ANKRD17: variants seen among roughly 807,000 people sequenced by gnomAD.
ANKRD17 encodes the protein ankyrin repeat domain-containing protein 17.
ANKRD17 carries 19 observed loss-of-function variants against 229.7 expected under a neutral mutation model. The ratio of observed to expected loss-of-function variants is 0.08; its 90% CI spans 0.06 to 0.12. ANKRD17 has a LOEUF of 0.12. Ranked by LOEUF, ANKRD17 falls within the 10% of genes least tolerant of loss-of-function variation. The pLI, the probability that ANKRD17 is intolerant of heterozygous loss-of-function variation, is 1.00. For synonymous variants in ANKRD17, 1,112 were observed against 1,146.1 expected (o/e 0.97, Z 0.60); for missense variants, 2,176 against 3,176.8 (o/e 0.68, Z 7.57).
At chr4:73,129,663 G>A (rs978468380) in intron 16 of ANKRD17, among the ~76,000 whole-genome samples, 3 of 152,052 alleles carry the variant, frequency 2.0e-5, no homozygotes, top group Non-Finnish European at 4.4e-5. Context: ...GCTGCAGCAA[G>A]CTGTGATGGT....
chr4:73,203,758 C>CAAAAAAAAAAAA (rs67020753), intron 1 of ANKRD17, among the ~76,000 whole-genome samples: 8 of 82,162 alleles, frequency 9.7e-5, no homozygotes, highest in South Asian at 4.5e-4. Flanking sequence ...GACTCCGTCT[C>CAAAAAAAAAAAA]AAAAAAAAAA....
intron 1 of ANKRD17, among the ~76,000 whole-genome samples, chr4:73,183,254 G>A (rs773567148): frequency 1.3e-5 from 2 of 152,160 alleles, no homozygotes; most frequent in Admixed American, 6.6e-5. Context: ...CAAGAAATCT[G>A]AATGTGAACT....
intron 27 of ANKRD17, among the ~76,000 whole-genome samples, 174 bp from the exon 28 acceptor site, chr4:73,094,402 AACAG>A (rs1723082243): frequency 6.6e-6 from 1 of 152,220 alleles, no homozygotes; most frequent in Non-Finnish European, 1.5e-5. Flanking sequence ...AATCAGGAGC[AACAG>A]ACAGATAAGC....
intron 25 of ANKRD17, chr4:73,100,725 A>G (rs966892140): frequency 3.7e-6 from 2 of 537,574 alleles, no homozygotes; most frequent in Non-Finnish European, 4.8e-6. Context: ...AAAATGTTTT[A>G]AAAATGTAGG....
At chr4:73,225,019 T>C (rs955027980) in intron 1 of ANKRD17, among the ~76,000 whole-genome samples, 2 of 152,228 alleles carry the variant, frequency 1.3e-5, no homozygotes, top group African/African-American at 4.8e-5. Context: ...CACTATGTTT[T>C]ACCTCATACC....
At chr4:73,217,448 T>G (rs1450764696) in intron 1 of ANKRD17, among the ~76,000 whole-genome samples, 1 of 152,190 alleles carries the variant, frequency 6.6e-6, no homozygotes, top group Non-Finnish European at 1.5e-5. Context: ...GTATCCTCAC[T>G]GCAAAATATA....
At chr4:73,230,475 C>A (rs1294097690) in intron 1 of ANKRD17, among the ~76,000 whole-genome samples, 2 of 152,092 alleles carry the variant, frequency 1.3e-5, no homozygotes, top group Non-Finnish European at 2.9e-5. Flanking sequence ...ACTATATACA[C>A]TGGAGACAGA....
chr4:73,239,910 T>C (rs1453097138), intron 1 of ANKRD17, among the ~76,000 whole-genome samples: 1 of 152,214 alleles, frequency 6.6e-6, no homozygotes, highest in Non-Finnish European at 1.5e-5. Context: ...CTTAAAAGGA[T>C]ATTACCCCCT....
chr4:73,135,026 GT>G, intron 16 of ANKRD17, 90 bp downstream of exon 16: 1 of 1,315,142 alleles, frequency 7.6e-7, no homozygotes. Context: ...AGACAAAGCA[GT>G]CTTTCATGGT....
intron 1 of ANKRD17, among the ~76,000 whole-genome samples, chr4:73,242,769 C>T (rs922113849): frequency 6.6e-6 from 1 of 152,156 alleles, no homozygotes; most frequent in African/African-American, 2.4e-5. Context: ...CGCCAAGGTT[C>T]AACTGTGAAA....
intron 1 of ANKRD17, among the ~76,000 whole-genome samples, chr4:73,211,772 G>A (rs542459813): frequency 1.9e-3 from 285 of 151,384 alleles, no homozygotes; most frequent in Non-Finnish European, 3.1e-3. Flanking sequence ...ACTTGAACCC[G>A]GGAGGCAGAG....
intron 1 of ANKRD17, among the ~76,000 whole-genome samples, chr4:73,179,515 T>C (rs1453867817): frequency 9.9e-6 from 1 of 100,652 alleles, no homozygotes; most frequent in Non-Finnish European, 2.0e-5. Context: ...TATATATATA[T>C]ATATTTTTTT....
chr4:73,105,574 G>A (rs1410438438), intron 24 of ANKRD17, among the ~76,000 whole-genome samples: 1 of 151,842 alleles, frequency 6.6e-6, no homozygotes, highest in Non-Finnish European at 1.5e-5. Context: ...CTGAAAAGAG[G>A]TAAATGGATT....
chr4:73,115,134 T>C (rs1277746740), intron 23 of ANKRD17, among the ~76,000 whole-genome samples: 2 of 152,218 alleles, frequency 1.3e-5, no homozygotes, highest in African/African-American at 4.8e-5. Flanking sequence ...TTCATTTTAC[T>C]AGGAAATAAA....
rs1351058662 is a variant in ANKRD17 at position 73,100,841 on chromosome 4, C to T, written c.4573+1535G>A. ...AAATTAAAAACAAAACAAAACAAAACACACACACACATACACACATTGCAT... is the reference window on the plus strand; with the variant it reads ...AAATTAAAAACAAAACAAAACAAAATACACACACACATACACACATTGCAT... On this transcript the variant is annotated intron_variant, in intron 25 of 33. Transcript: ENST00000358602. The T allele has an allele frequency of 5.2e-6, 5 of 961,298 alleles. No individual in the cohort carries two copies. In the African/African-American group the frequency reaches 5.3e-5, roughly 10 times the overall value. 59.5% of individuals were successfully genotyped at this position (961,298 alleles called of 1,614,324 possible).
chr4:73,115,977 C>T, intron 22 of ANKRD17, 61 bp from the exon 23 acceptor site: 1 of 1,367,174 alleles, frequency 7.3e-7, no homozygotes, highest in Admixed American at 1.7e-5. Context: ...TAAATCTATG[C>T]CTGAACTAAC....
chr4:73,151,368 A>G (rs1730986072), intron 7 of ANKRD17, 62 bp downstream of exon 7: 1 of 1,477,618 alleles, frequency 6.8e-7, no homozygotes, highest in Non-Finnish European at 9.4e-7. Flanking sequence ...CATTCATTGT[A>G]TACTACTCTG....
chr4:73,110,332 C>T (rs1003069321), intron 24 of ANKRD17, among the ~76,000 whole-genome samples: 4 of 152,166 alleles, frequency 2.6e-5, no homozygotes, highest in Non-Finnish European at 5.9e-5. Flanking sequence ...AATCTGCTGG[C>T]CTTAACATAA....
chr4:73,079,633 G>C (rs1258906892), intron 30 of ANKRD17, among the ~76,000 whole-genome samples: 1 of 152,070 alleles, frequency 6.6e-6, no homozygotes, highest in Non-Finnish European at 1.5e-5. Flanking sequence ...ACCAATAAGA[G>C]GATCATTGCC....
Sources: allele counts gnomAD v4.1 joint callset (sites outside exome capture counted in the v4.1 genomes callset), GRCh38; gene constraint gnomAD v4.1.1; transcripts MANE v1.5; gene names NCBI Gene and HGNC (gene_info 2026-07-23, HGNC 2026-07-21).